The following TG variants were observed in gnomAD, a reference collection of about 807,000 sequenced individuals.
TG encodes the protein thyroid hormones.
In TG, 270 loss-of-function variants were observed where a neutral mutation model predicts 324.7. The ratio of observed to expected loss-of-function variants is 0.83; its 90% confidence interval spans 0.75 to 0.92. The LOEUF (loss-of-function observed/expected upper bound fraction) is 0.92, where lower values mean the gene tolerates loss of function less well. TG is among the 40% of genes least tolerant of loss of function. The probability of loss-of-function intolerance (pLI) is 0.00; values close to 1 mark genes in which losing one functional copy is unlikely to be tolerated. For missense variants in TG, 3,591 were observed against 3,456.4 expected (o/e 1.04, Z -0.98); for synonymous variants, 1,401 against 1,327.0 (o/e 1.06, Z -1.21).
chr8:133,064,887 C>T (rs1377545359), intron 41 of TG, among the ~76,000 whole-genome samples: 4 of 152,058 alleles, frequency 2.6e-5, no homozygotes, highest in Non-Finnish European at 2.9e-5. Context: ...GAGGGTAGCC[C>T]GAACCCCTTT....
chr8:133,040,124 G>T, intron 41 of TG: 1 of 1,577,890 alleles, frequency 6.3e-7, no homozygotes, highest in East Asian at 2.3e-5. Flanking sequence ...CAGGCCATCA[G>T]CCACCTCTGA....
chr8:133,088,209 T>C (rs1846917859), intron 41 of TG, among the ~76,000 whole-genome samples: 1 of 152,210 alleles, frequency 6.6e-6, no homozygotes, highest in African/African-American at 2.4e-5. Flanking sequence ...TGGTGTGTTT[T>C]TGAGCCCTAT....
In TG at chr8:133,003,115, G is replaced by C. The variant is rs567308358; in HGVS notation, c.6263-8786G>C. ...GGAAGATGGTGGTTCCAGCTGAAAG[G>C]CTTTTTGGCAATTTTTAACAGCTGA... On this transcript the variant is annotated intron_variant, in intron 35 of 47. Transcript: ENST00000220616. 2.9e-4 allele frequency: 251 copies of C among 880,486 alleles called. 2 individuals are homozygous for C. In the African/African-American group the frequency reaches 4.3e-3, roughly 15 times the overall value. 54.5% of individuals were successfully genotyped at this position (880,486 alleles called of 1,614,324 possible).
chr8:133,121,435 C>T (rs1055541571), intron 45 of TG, among the ~76,000 whole-genome samples: 1 of 152,150 alleles, frequency 6.6e-6, no homozygotes, highest in African/African-American at 2.4e-5. Context: ...TGAAAAACTA[C>T]TGGACCCAGT....
chr8:132,981,520 G>T (rs1215420703), intron 34 of TG, among the ~76,000 whole-genome samples: 4 of 152,214 alleles, frequency 2.6e-5, no homozygotes, highest in African/African-American at 9.7e-5. Flanking sequence ...TGACAACAGG[G>T]TGACAAGTAT....
chr8:132,921,108 A>T (rs774795543), intron 21 of TG, among the ~76,000 whole-genome samples: 1 of 152,222 alleles, frequency 6.6e-6, no homozygotes, highest in South Asian at 2.1e-4. Context: ...CATTAACAAC[A>T]TCGTGGGGGC....
chr8:132,895,815 G>A lies in TG; in HGVS notation c.3002-1834G>A, dbSNP rs57551936. 9.1e-3 allele frequency among the ~76,000 whole-genome samples: 1,386 copies of A among 152,352 alleles called. 19 individuals are homozygous for A. The highest frequency in any genetic ancestry group is 0.032 in the African/African-American group (1,317 of 41,578). ...TCAGGGAGGGAAATGTCGAGAAAGG[G>A]GAGGCAATGTTGCTGGTGCTGTTGA... On this transcript the variant is annotated intron_variant, in intron 11 of 47. Transcript: ENST00000220616.
intron 26 of TG, among the ~76,000 whole-genome samples, chr8:132,943,290 A>T (rs1183570712): frequency 6.6e-6 from 1 of 151,834 alleles, no homozygotes; most frequent in Non-Finnish European, 1.5e-5. Flanking sequence ...TTAAAAGTAT[A>T]TGCCACCTCC....
At chr8:132,870,855 TCC>T (rs1839422654) in intron 3 of TG, among the ~76,000 whole-genome samples, 2 of 152,062 alleles carry the variant, frequency 1.3e-5, no homozygotes, top group Non-Finnish European at 2.9e-5. Flanking sequence ...ACTCACTCAC[TCC>T]GAGGGAAGGC....
Position 133,096,234 on chromosome 8 carries a change from A to G in TG, c.7433A>G (p.Tyr2478Cys), listed in dbSNP as rs1487161073. 1.2e-6 allele frequency: 2 copies of G among 1,614,222 alleles called. No homozygotes were observed. The highest frequency in any genetic ancestry group is 8.5e-7 in the Non-Finnish European group (1 of 1,180,042). ...KLLAVSGPFH[Y>C]WGPVIDGHFL... ...CTGGCCGTGAGTGGCCCTTTCCACT[A>G]CTGGGGTCCTGTGATCGATGGCCAC... is the stretch of plus-strand genomic sequence containing the variant. Residue 2478 changes from tyrosine to cysteine, a missense_variant, in exon 43 of 48, where the codon TAC becomes TGC. By Grantham distance (194) the Tyr-to-Cys change is radical. Transcript: ENST00000220616.
In TG at chr8:132,923,467, G is replaced by T. The variant is rs1687038895; in HGVS notation, c.4658G>T (p.Trp1553Leu). The T allele has an allele frequency of 6.2e-7, 1 of 1,613,894 alleles. No individual in the cohort carries two copies. The highest frequency in any genetic ancestry group is 1.3e-5 in the African/African-American group (1 of 74,902). The change falls in exon 22 of 48, where the codon TGG (tryptophan) becomes TTG (leucine). Residue 1553 changes from tryptophan (W) to leucine (L), a missense_variant. By Grantham distance (61) the Trp-to-Leu change is moderately conservative. Coordinates refer to ENST00000220616, the MANE Select transcript of TG (RefSeq NM_003235.5). ...CVDGEGRRLPWWETEAPLEDS... is the reference protein window; with the variant it reads ...CVDGEGRRLPLWETEAPLEDS... Reference sequence around the variant, plus strand: ...GACGGCGAGGGGCGGAGGCTGCCATGGTGGGAAACAGAGGCCCCTCTTGAG... The same window carrying T: ...GACGGCGAGGGGCGGAGGCTGCCATTGTGGGAAACAGAGGCCCCTCTTGAG...
At chr8:133,034,765 C>A (rs1480588295) in intron 41 of TG, among the ~76,000 whole-genome samples, 2 of 152,254 alleles carry the variant, frequency 1.3e-5, no homozygotes, top group East Asian at 1.9e-4. Context: ...TTTCTTAAGG[C>A]CTTCCTCATC....
intron 32 of TG, among the ~76,000 whole-genome samples, chr8:132,970,259 T>A (rs969059277): frequency 6.6e-6 from 1 of 152,156 alleles, no homozygotes; most frequent in Non-Finnish European, 1.5e-5. Flanking sequence ...TTAGTCATTA[T>A]TTAGTTGTTT....
intron 41 of TG, among the ~76,000 whole-genome samples, chr8:133,042,032 C>T (rs1469084125): frequency 6.6e-6 from 1 of 151,812 alleles, no homozygotes; most frequent in East Asian, 1.9e-4. Context: ...CATGATCCAC[C>T]CACCTCAGCC....
In TG at chr8:132,886,944, GGGATTA is replaced by G. The variant is rs1346722781; in HGVS notation, c.1574_1579del (p.Gly525_Leu526del). The G allele has an allele frequency of 6.2e-7, 1 of 1,614,142 alleles. No individual in the cohort carries two copies. The highest frequency in any genetic ancestry group is 1.7e-5 in the Admixed American group (1 of 60,022). On this transcript the variant is annotated inframe_deletion, in exon 9 of 48. Coordinates refer to ENST00000220616, the MANE Select transcript of TG (RefSeq NM_003235.5). ...AAGATTTGGCCAAGCCACTCTCTGT[GGGATTA>G]GATTCAAATTCTTCCACAGGAACCC...
chr8:132,946,202 A>G (rs574454506), intron 26 of TG, among the ~76,000 whole-genome samples: 81 of 152,172 alleles, frequency 5.3e-4, no homozygotes, highest in Non-Finnish European at 1.1e-3. Flanking sequence ...TCACCAGACC[A>G]TATGATTTTT....
Position 132,893,925 on chromosome 8 carries a change from G to A in TG, c.2997G>A (p.Gln999=). 1.2e-6 allele frequency: 2 copies of A among 1,614,050 alleles called. No homozygotes were observed. Among genetic ancestry groups the A allele is most frequent in the African/African-American group, 2.7e-5 (2 of 75,016 alleles). ...ATTACGCCATTCGCCTGGCGGCTCA[G>A]TCTAGTGAGTGTGGTGCCCTTCAGC... ...GSDYAIRLAA[Q]STLSFYQRRR... Residue 999 remains glutamine (Q), a synonymous_variant, in exon 11 of 48, where the codon CAG becomes CAA. Coordinates refer to ENST00000220616, the MANE Select transcript of TG (RefSeq NM_003235.5).
intron 4 of TG, 89 bp downstream of exon 4, chr8:132,871,640 C>A: frequency 1.5e-6 from 2 of 1,354,410 alleles, no homozygotes; most frequent in Non-Finnish European, 2.0e-6. Flanking sequence ...GGTTTCCTGC[C>A]GAAGTGGGCA....
At chr8:133,087,508 A>T (rs1846783703) in intron 41 of TG, among the ~76,000 whole-genome samples, 1 of 152,206 alleles carries the variant, frequency 6.6e-6, no homozygotes, top group South Asian at 2.1e-4. Context: ...GGACTTGGCC[A>T]TGTCACTTGT....
Sources: allele counts gnomAD v4.1 joint callset (sites outside exome capture counted in the v4.1 genomes callset), GRCh38; gene constraint gnomAD v4.1.1; transcripts MANE v1.5; gene names NCBI Gene and HGNC (gene_info 2026-07-23, HGNC 2026-07-21).